Variants in LRRC7 observed in about 807,000 individuals in gnomAD.
LRRC7 encodes leucine-rich repeat-containing protein 7.
A neutral mutation model predicts 175.7 loss-of-function variants in LRRC7; 23 were observed. The observed-to-expected ratio is 0.13, with a 90% confidence interval of 0.09 to 0.19. The LOEUF (loss-of-function observed/expected upper bound fraction) is 0.19. Among genes scored for constraint, LRRC7 ranks in the 10% least tolerant of loss-of-function variants. The probability of loss-of-function intolerance (pLI) is 1.00; values close to 1 mark genes in which losing one functional copy is unlikely to be tolerated. For synonymous variants in LRRC7, 685 were observed against 680.9 expected (o/e 1.01, Z -0.09); for missense variants, 1,354 against 1,904.7 (o/e 0.71, Z 5.38).
chr1:69,899,084 A>G (rs1469096685), intron 7 of LRRC7, among the ~76,000 whole-genome samples: 1 of 151,956 alleles, frequency 6.6e-6, no homozygotes, highest in Admixed American at 6.6e-5. Flanking sequence ...GTATTTTTTT[A>G]TCTGTGAGCA....
intron 23 of LRRC7, among the ~76,000 whole-genome samples, chr1:70,070,828 G>A (rs1332794404): frequency 1.3e-5 from 2 of 152,138 alleles, no homozygotes; most frequent in African/African-American, 4.8e-5. Flanking sequence ...ACACCACCTC[G>A]TTAGTAAGGT....
chr1:69,776,748 A>G (rs1242701901), intron 3 of LRRC7, among the ~76,000 whole-genome samples: 1 of 150,008 alleles, frequency 6.7e-6, no homozygotes, highest in Admixed American at 6.7e-5. Context: ...TCTGTGTGTG[A>G]TATTTACTGC....
intron 8 of LRRC7, among the ~76,000 whole-genome samples, chr1:69,961,885 G>A (rs1174140485): frequency 6.6e-6 from 1 of 152,056 alleles, no homozygotes; most frequent in East Asian, 1.9e-4. Flanking sequence ...TAAAACCCTA[G>A]AAGAAAACCT....
intron 7 of LRRC7, chr1:69,920,097 A>C: frequency 3.8e-6 from 1 of 264,758 alleles, no homozygotes; most frequent in East Asian, 1.0e-4. Flanking sequence ...TCGCAGACCC[A>C]GGGCAATGTG....
chr1:70,021,899 G>A (rs60319405), intron 16 of LRRC7, among the ~76,000 whole-genome samples: 2,581 of 152,216 alleles, frequency 0.017, 77 homozygotes, highest in African/African-American at 0.059. Flanking sequence ...AACATTGTAT[G>A]TGTACTTTTT....
chr1:69,759,011 A>T (rs1338800313), intron 2 of LRRC7, among the ~76,000 whole-genome samples: 1 of 152,024 alleles, frequency 6.6e-6, no homozygotes. Flanking sequence ...AGGATAAGTG[A>T]AACAAGATCT....
intron 13 of LRRC7, among the ~76,000 whole-genome samples, chr1:70,015,390 G>A (rs1243891294): frequency 1.3e-5 from 2 of 151,878 alleles, no homozygotes; most frequent in Admixed American, 1.3e-4. Context: ...TTTAATTACT[G>A]TAAGATTGCC....
chr1:69,699,782 A>T (rs1290115627), intron 2 of LRRC7, among the ~76,000 whole-genome samples: 1 of 152,100 alleles, frequency 6.6e-6, no homozygotes, highest in Admixed American at 6.6e-5. Context: ...AAACTCGCAC[A>T]TTTTTTGCTT....
chr1:70,118,005 T>A (rs1191730709), intron 26 of LRRC7, among the ~76,000 whole-genome samples: 1 of 152,048 alleles, frequency 6.6e-6, no homozygotes, highest in Non-Finnish European at 1.5e-5. Context: ...ATTGGGTTTA[T>A]ACCCTGCAAT....
At chr1:69,822,749 A>G (rs562428953) in intron 4 of LRRC7, among the ~76,000 whole-genome samples, 1 of 152,302 alleles carries the variant, frequency 6.6e-6, no homozygotes, top group South Asian at 2.1e-4. Context: ...AAATGAAACT[A>G]TTCTCCGTAC....
chr1:69,908,252 C>A (rs1344834139), intron 7 of LRRC7, among the ~76,000 whole-genome samples: 5 of 152,080 alleles, frequency 3.3e-5, no homozygotes, highest in Non-Finnish European at 7.4e-5. Flanking sequence ...TTTTTTGTGT[C>A]TCTATCTCCT....
At chr1:69,609,471 G>GA (rs1191711525) in intron 1 of LRRC7, among the ~76,000 whole-genome samples, 1 of 151,616 alleles carries the variant, frequency 6.6e-6, no homozygotes, top group African/African-American at 2.4e-5. Flanking sequence ...AAGGAAGAAA[G>GA]AAAAAAATAA....
At chr1:69,811,008 T>C (rs1677785089) in intron 4 of LRRC7, among the ~76,000 whole-genome samples, 1 of 151,888 alleles carries the variant, frequency 6.6e-6, no homozygotes, top group Non-Finnish European at 1.5e-5. Flanking sequence ...GGGAAAACAT[T>C]TTTGCAATCT....
chr1:69,787,762 AT>A, intron 3 of LRRC7, among the ~76,000 whole-genome samples: 1 of 152,176 alleles, frequency 6.6e-6, no homozygotes, highest in South Asian at 2.1e-4. Context: ...GCTCCTCATT[AT>A]TTATGCAAAT....
At chr1:70,003,820 T>G (rs537061380) in intron 11 of LRRC7, among the ~76,000 whole-genome samples, 2 of 152,054 alleles carry the variant, frequency 1.3e-5, no homozygotes, top group Admixed American at 1.3e-4. Flanking sequence ...TCTTTCAGTC[T>G]CCCAACTTGG....
At chr1:69,718,140 GAGAGAA>G (rs1557643404) in intron 2 of LRRC7, among the ~76,000 whole-genome samples, 3 of 42,276 alleles carry the variant, frequency 7.1e-5, no homozygotes, top group Non-Finnish European at 1.4e-4. Flanking sequence ...GAAAGAAAGA[GAGAGAA>G]AGAAAGAAAG....
At chr1:69,690,925 G>T (rs542928705) in intron 2 of LRRC7, among the ~76,000 whole-genome samples, 1 of 152,218 alleles carries the variant, frequency 6.6e-6, no homozygotes, top group African/African-American at 2.4e-5. Context: ...AGCTTCTTGT[G>T]GGGTCTTTCA....
chr1:70,042,810 T>A (rs191630149), intron 21 of LRRC7, among the ~76,000 whole-genome samples: 199 of 152,292 alleles, frequency 1.3e-3, no homozygotes, highest in African/African-American at 4.3e-3. Context: ...AATGAATCCA[T>A]AACAAATATG....
chr1:70,121,722 C>A lies in LRRC7; in HGVS notation c.4621-58C>A, dbSNP rs1571382126. ...CTCCCGTGAATTTTATGAATAGAAA[C>A]AACGATACAGTGATAATAGTTTACA... On this transcript the variant is annotated intron_variant, in intron 26 of 26. Coordinates refer to ENST00000651989, the MANE Select transcript of LRRC7 (RefSeq NM_001370785.2). The A allele has an allele frequency of 8.9e-6, 10 of 1,126,764 alleles. No individual in the cohort carries two copies. In the East Asian group the frequency reaches 1.7e-4, roughly 19 times the overall value. The allele number at this position is 1,126,764 out of a possible 1,614,324, so 69.8% of individuals were successfully genotyped here.
Sources: gnomAD v4.1 joint callset for allele counts (sites outside exome capture counted in the v4.1 genomes callset) on GRCh38, gnomAD v4.1.1 for gene constraint, MANE v1.5 for transcripts, NCBI Gene and HGNC (gene_info 2026-07-23, HGNC 2026-07-21) for gene names.